CTPS1: variants seen among roughly 807,000 people sequenced by gnomAD.
CTPS1 encodes CTP synthetase 1.
Under a neutral mutation model 80.5 loss-of-function variants are expected in CTPS1, and 25 were observed. The observed-to-expected ratio is 0.31, with a 90% confidence interval of 0.23 to 0.43. The LOEUF (loss-of-function observed/expected upper bound fraction) is 0.43. CTPS1 is among the 20% of genes least tolerant of loss of function. The probability of loss-of-function intolerance (pLI) is 1.00; values close to 1 mark genes in which losing one functional copy is unlikely to be tolerated. For missense variants in CTPS1, 442 were observed against 725.7 expected (o/e 0.61, Z 4.49); for synonymous variants, 267 against 252.5 (o/e 1.06, Z -0.54).
In CTPS1 at chr1:41,001,163, GT is replaced by G. The variant is rs1264721983; in HGVS notation, c.1094+50del. Reference sequence around the variant, plus strand: ...TGGGTTTCCAGAGTTCTTTTGGTTTGTTTTAATGAAAAAGTCCTCTTGTTTT... The same window carrying G: ...TGGGTTTCCAGAGTTCTTTTGGTTTGTTTAATGAAAAAGTCCTCTTGTTTT... On this transcript the variant is annotated intron_variant, in intron 10 of 18. Transcript: ENST00000650070. The G allele has an allele frequency of 2.1e-6, 3 of 1,437,638 alleles. No homozygotes were observed. In the African/African-American group the frequency reaches 4.3e-5, roughly 21 times the overall value. The allele number at this position is 1,437,638 out of a possible 1,614,324, so 89.1% of individuals were successfully genotyped here.
intron 12 of CTPS1, among the ~76,000 whole-genome samples, chr1:41,003,642 G>A (rs1050202572): frequency 9.2e-5 from 14 of 152,322 alleles, no homozygotes; most frequent in Middle Eastern, 3.4e-3. Context: ...ATAAAGGTAC[G>A]TACTTCACAT....
intron 14 of CTPS1, among the ~76,000 whole-genome samples, chr1:41,008,283 C>G (rs1643084701): frequency 1.3e-5 from 2 of 152,210 alleles, no homozygotes; most frequent in Non-Finnish European, 2.9e-5. Context: ...CATCAGAGGT[C>G]ATCTGTGCAG....
chr1:40,997,457 C>A lies in CTPS1; in HGVS notation c.936C>A (p.Asp312Glu). 1 of 1,614,204 alleles carries A rather than the reference C, an allele frequency of 6.2e-7. No individual in the cohort carries two copies. The highest frequency in any genetic ancestry group is 8.5e-7 in the Non-Finnish European group (1 of 1,180,036). Residue 312 changes from aspartate to glutamate, a missense_variant, in exon 9 of 19, where the codon GAC becomes GAA. Transcript: ENST00000650070. ...TGGGCAAATACACGAAGTTCTCAGA[C>A]TCCTATGCCTCTGTCATTAAGGCTC... is the stretch of plus-strand genomic sequence containing the variant. ...ALVGKYTKFS[D>E]SYASVIKALE...
At chr1:41,011,214 G>T (rs1643163990) in intron 18 of CTPS1, among the ~76,000 whole-genome samples, 1 of 152,220 alleles carries the variant, frequency 6.6e-6, no homozygotes, top group East Asian at 1.9e-4. Flanking sequence ...AGTATCAGGA[G>T]GAGGGCCTGT....
At chr1:40,983,725 C>T (rs550053788) in intron 2 of CTPS1, among the ~76,000 whole-genome samples, 5 of 151,502 alleles carry the variant, frequency 3.3e-5, no homozygotes, top group African/African-American at 1.2e-4. Context: ...TTGGCTCAAG[C>T]GATCCTCTCA....
In CTPS1 at chr1:40,994,384, G is replaced by A. The variant is rs1642700799; in HGVS notation, c.721-1533G>A. 5.9e-5 allele frequency among the ~76,000 whole-genome samples: 9 copies of A among 152,042 alleles called. No homozygotes were observed. The South Asian group carries it at 1.9e-3, about 31-fold the overall frequency. ...CTATTCTGTACTTTTTAAAAATAAA[G>A]GTACATTATAGATTTACTAATCTTC... is the stretch of plus-strand genomic sequence containing the variant. On this transcript the variant is annotated intron_variant, in intron 7 of 18. Coordinates refer to ENST00000650070, the MANE Select transcript of CTPS1 (RefSeq NM_001905.4).
chr1:40,984,047 C>T (rs1642386824), intron 2 of CTPS1, among the ~76,000 whole-genome samples: 1 of 152,198 alleles, frequency 6.6e-6, no homozygotes, highest in South Asian at 2.1e-4. Context: ...CATTCGTACT[C>T]CTACTCTCTA....
Position 41,007,428 on chromosome 1 carries a change from C to T in CTPS1, c.1297-21C>T. On this transcript the variant is annotated intron_variant, in intron 13 of 18. Transcript: ENST00000650070. The surrounding 1 kb of genome is among the most constrained non-coding windows in gnomAD (Gnocchi z 4.4). Reference sequence around the variant, plus strand: ...GGAAGCAGAGTTCTGTAGTTGGTGTCTGTTTTCTGAACATCTCCAGGTCGT... The same window carrying T: ...GGAAGCAGAGTTCTGTAGTTGGTGTTTGTTTTCTGAACATCTCCAGGTCGT... 1 of 1,610,380 alleles carries T rather than the reference C, an allele frequency of 6.2e-7. No homozygotes were observed. The highest frequency in any genetic ancestry group is 8.5e-7 in the Non-Finnish European group (1 of 1,176,950).
At chr1:40,993,772 C>CTGT in intron 7 of CTPS1, among the ~76,000 whole-genome samples, 1 of 118,312 alleles carries the variant, frequency 8.5e-6, no homozygotes, top group Non-Finnish European at 1.8e-5. Flanking sequence ...ATTTTCTTCT[C>CTGT]TCTTTTTTTT....
rs1021855127 is a variant in CTPS1 at position 41,001,064 on chromosome 1, G to T, written c.1041G>T (p.Ser347=). The change falls in exon 10 of 19, where the codon TCG becomes TCT. Residue 347 remains serine, a synonymous_variant. Coordinates refer to ENST00000650070, the MANE Select transcript of CTPS1 (RefSeq NM_001905.4). ...CTGCGGACTTGGAGCCCATCACCTC[G>T]CAAGAAGAGCCCGTGCGCTACCACG... is the stretch of plus-strand genomic sequence containing the variant. ...IDSADLEPIT[S]QEEPVRYHEA... 3 of 1,612,326 alleles carry T rather than the reference G, an allele frequency of 1.9e-6. No individual in the cohort carries two copies. Among genetic ancestry groups the T allele is most frequent in the Non-Finnish European group, 2.5e-6 (3 of 1,179,392 alleles).
chr1:40,981,386 C>T (rs1651890397), intron 1 of CTPS1, among the ~76,000 whole-genome samples: 1 of 152,074 alleles, frequency 6.6e-6, no homozygotes, highest in Non-Finnish European at 1.5e-5. Context: ...AAAATTGGGA[C>T]AAATCAAATG....
chr1:41,008,287 TG>T (rs1643084939), intron 14 of CTPS1, among the ~76,000 whole-genome samples: 3 of 152,226 alleles, frequency 2.0e-5, no homozygotes, highest in African/African-American at 7.2e-5. Flanking sequence ...AGAGGTCATC[TG>T]TGCAGCTCTT....
intron 2 of CTPS1, 140 bp from the exon 3 acceptor site, chr1:40,984,681 T>G (rs1642407429): frequency 1.7e-6 from 1 of 598,030 alleles, no homozygotes; most frequent in Non-Finnish European, 2.7e-6. Flanking sequence ...GTGTCATATT[T>G]AGTCTTCTAG....
chr1:41,008,720 G>GATTC lies in CTPS1; in HGVS notation c.1449+7_1449+10dup. On this transcript the variant is annotated splice_region_variant and intron_variant, in intron 15 of 18. Coordinates refer to ENST00000650070, the MANE Select transcript of CTPS1 (RefSeq NM_001905.4). ...GGCACCGCCACCGATTTGAGGTGAG[G>GATTC]ATTCCAGCTTGCTGGTACTCTGGAA... 6.2e-7 allele frequency: 1 copy of GATTC among 1,614,186 alleles called. No homozygotes were observed. The highest frequency in any genetic ancestry group is 8.5e-7 in the Non-Finnish European group (1 of 1,180,012).
At position 41,003,288 on chromosome 1, in the gene CTPS1, C is replaced by CCTA. The variant is rs890254045; in HGVS notation, c.1252+113_1252+115dup. 6 of 1,135,536 alleles carry CCTA rather than the reference C, an allele frequency of 5.3e-6. No homozygotes were observed. In the African/African-American group the frequency reaches 6.1e-5, roughly 12 times the overall value. 70.3% of individuals were successfully genotyped at this position (1,135,536 alleles called of 1,614,324 possible). On this transcript the variant is annotated intron_variant, in intron 12 of 18. Transcript: ENST00000650070. ...CTTTGGAGAAGGGCAGGCCTGGGTT[C>CCTA]CTAGCACCTCATGGTGTGCCGTAAG...
At chr1:40,988,478 G>A (rs1439585982) in intron 4 of CTPS1, 116 bp from the exon 5 acceptor site, 1 of 709,620 alleles carries the variant, frequency 1.4e-6, no homozygotes, top group Admixed American at 2.1e-5. Context: ...CAGGGTTAGA[G>A]AGTCCGTGTT....
intron 2 of CTPS1, among the ~76,000 whole-genome samples, chr1:40,983,902 G>A (rs4132439): frequency 0.15 from 23,347 of 152,190 alleles, 2,217 homozygotes; most frequent in East Asian, 0.3. Flanking sequence ...CACCATGCCC[G>A]ACTGCCTTTT....
At chr1:41,002,280 C>T (rs1382587483) in intron 11 of CTPS1, 26 bp downstream of exon 11, 2 of 1,590,192 alleles carry the variant, frequency 1.3e-6, no homozygotes, top group South Asian at 2.2e-5. Context: ...GTGCAGTCTT[C>T]ACTTAAGAGT....
At chr1:41,010,460 G>T (rs992225042) in intron 18 of CTPS1, among the ~76,000 whole-genome samples, 1 of 152,214 alleles carries the variant, frequency 6.6e-6, no homozygotes, top group Non-Finnish European at 1.5e-5. Context: ...CCTCCAAGTT[G>T]CAGTGCACCT....
Sources: gnomAD v4.1 joint callset for allele counts (sites outside exome capture counted in the v4.1 genomes callset) on GRCh38, gnomAD v4.1.1 for gene constraint, Gnocchi (gnomAD v3.1) non-coding constraint, MANE v1.5 for transcripts, NCBI Gene and HGNC (gene_info 2026-07-23, HGNC 2026-07-21) for gene names.